Variants in TRPC6 observed in about 807,000 individuals in gnomAD.
TRPC6 encodes the protein short transient receptor potential channel 6.
Under a neutral mutation model 90.7 loss-of-function variants are expected in TRPC6, and 55 were observed. The ratio of observed to expected loss-of-function variants is 0.61; its 90% CI spans 0.49 to 0.76. The LOEUF is 0.76. Among genes scored for constraint, TRPC6 ranks in the 30% least tolerant of loss-of-function variants. The pLI, the probability that TRPC6 is intolerant of heterozygous loss-of-function variation, is 0.00. For missense variants in TRPC6, 989 were observed against 1,122.7 expected (o/e 0.88, Z 1.70); for synonymous variants, 393 against 393.0 (o/e 1.00, Z 0.00).
chr11:101,474,217 T>C (rs1859362167), intron 6 of TRPC6, among the ~76,000 whole-genome samples: 1 of 152,206 alleles, frequency 6.6e-6, no homozygotes, highest in East Asian at 1.9e-4. Flanking sequence ...ACTTAATAAA[T>C]GGTAGCGTTT....
chr11:101,515,854 G>A (rs1591103352), intron 1 of TRPC6, among the ~76,000 whole-genome samples: 1 of 152,158 alleles, frequency 6.6e-6, no homozygotes, highest in Non-Finnish European at 1.5e-5. Context: ...ATATAAACTT[G>A]TAGGTACACA....
chr11:101,547,751 A>G (rs1861342091), intron 1 of TRPC6, among the ~76,000 whole-genome samples: 1 of 152,190 alleles, frequency 6.6e-6, no homozygotes, highest in Non-Finnish European at 1.5e-5. Context: ...GCATACACTA[A>G]CAAATGGACA....
At chr11:101,581,258 CTG>C (rs1862191371) in intron 1 of TRPC6, among the ~76,000 whole-genome samples, 1 of 152,262 alleles carries the variant, frequency 6.6e-6, no homozygotes, top group African/African-American at 2.4e-5. Flanking sequence ...TCACTAAATA[CTG>C]CATGTTGAGG....
At chr11:101,510,945 C>G (rs1423447576) in intron 1 of TRPC6, among the ~76,000 whole-genome samples, 1 of 152,096 alleles carries the variant, frequency 6.6e-6, no homozygotes, top group African/African-American at 2.4e-5. Context: ...AAAATCCTTA[C>G]AAATATTTTA....
intron 1 of TRPC6, among the ~76,000 whole-genome samples, chr11:101,528,658 T>C (rs961251343): frequency 1.3e-5 from 2 of 152,152 alleles, no homozygotes; most frequent in African/African-American, 4.8e-5. Context: ...TCTGTGCAGA[T>C]GCAGGACCAT....
chr11:101,508,600 A>C (rs1860326496), intron 1 of TRPC6, among the ~76,000 whole-genome samples: 1 of 152,068 alleles, frequency 6.6e-6, no homozygotes, highest in Non-Finnish European at 1.5e-5. Flanking sequence ...TTCTGTATTT[A>C]TTGCTTTGCG....
At chr11:101,558,135 C>T (rs188373598) in intron 1 of TRPC6, among the ~76,000 whole-genome samples, 23 of 151,038 alleles carry the variant, frequency 1.5e-4, no homozygotes, top group Admixed American at 2.6e-4. Context: ...CAAAATCTAG[C>T]GCATAAGAGC....
chr11:101,564,202 GT>G (rs2136871332), intron 1 of TRPC6, among the ~76,000 whole-genome samples: 1 of 152,096 alleles, frequency 6.6e-6, no homozygotes, highest in Non-Finnish European at 1.5e-5. Context: ...TTAAAGCCAT[GT>G]TTTTTGCTAG....
At chr11:101,526,209 CATGATGCAG>C (rs1229400731) in intron 1 of TRPC6, among the ~76,000 whole-genome samples, 1 of 152,134 alleles carries the variant, frequency 6.6e-6, no homozygotes, top group East Asian at 1.9e-4. Context: ...CACTCATAGG[CATGATGCAG>C]ACCCCTCTAA....
At chr11:101,558,266 TGG>T (rs1565243267) in intron 1 of TRPC6, among the ~76,000 whole-genome samples, 34 of 92,622 alleles carry the variant, frequency 3.7e-4, no homozygotes, top group African/African-American at 6.6e-4. Flanking sequence ...TACATGTATA[TGG>T]GTATACATGT....
At chr11:101,575,522 A>G (rs1225050653) in intron 1 of TRPC6, among the ~76,000 whole-genome samples, 1 of 152,164 alleles carries the variant, frequency 6.6e-6, no homozygotes, top group African/African-American at 2.4e-5. Context: ...AAAAATGCAT[A>G]TCTCATAGGT....
chr11:101,556,082 C>G (rs1221347004), intron 1 of TRPC6, among the ~76,000 whole-genome samples: 1 of 151,994 alleles, frequency 6.6e-6, no homozygotes, highest in African/African-American at 2.4e-5. Flanking sequence ...GTTCTAAGAG[C>G]AAAGCTTATA....
At chr11:101,541,373 T>G (rs1861168706) in intron 1 of TRPC6, among the ~76,000 whole-genome samples, 1 of 152,184 alleles carries the variant, frequency 6.6e-6, no homozygotes, top group South Asian at 2.1e-4. Context: ...TTTTTTGTTT[T>G]TGTTTTGAGA....
chr11:101,459,633 T>A (rs1858959672), intron 10 of TRPC6, among the ~76,000 whole-genome samples: 1 of 152,210 alleles, frequency 6.6e-6, no homozygotes, highest in South Asian at 2.1e-4. Flanking sequence ...GAAAATAAAA[T>A]TATTTCATTT....
intron 5 of TRPC6, among the ~76,000 whole-genome samples, chr11:101,477,598 T>G (rs1859445781): frequency 6.6e-6 from 1 of 152,156 alleles, no homozygotes; most frequent in Non-Finnish European, 1.5e-5. Flanking sequence ...AACACTGGAT[T>G]TGAGATCAGG....
chr11:101,478,678 C>G (rs1859472538), intron 5 of TRPC6, among the ~76,000 whole-genome samples: 1 of 152,126 alleles, frequency 6.6e-6, no homozygotes, highest in Non-Finnish European at 1.5e-5. Context: ...TCCAAGCTTG[C>G]CCCAGGCAGG....
At chr11:101,500,482 C>A (rs6590867) in intron 2 of TRPC6, among the ~76,000 whole-genome samples, 71,033 of 151,496 alleles carry the variant, frequency 0.47, 17,097 homozygotes, top group African/African-American at 0.57. Context: ...TGCAGGGATT[C>A]CAGGTGTGAG....
chr11:101,498,123 C>G (rs1245527578), intron 2 of TRPC6, among the ~76,000 whole-genome samples: 6 of 152,114 alleles, frequency 3.9e-5, no homozygotes, highest in South Asian at 4.1e-4. Context: ...AATTAAAACT[C>G]AAGTCAAGGA....
At chr11:101,556,846 A>G (rs769569141) in intron 1 of TRPC6, among the ~76,000 whole-genome samples, 38 of 152,232 alleles carry the variant, frequency 2.5e-4, no homozygotes, top group Admixed American at 1.0e-3. Flanking sequence ...GCACATTAAA[A>G]AGATCATCCT....
Sources: allele counts gnomAD v4.1 joint callset (sites outside exome capture counted in the v4.1 genomes callset), GRCh38; gene constraint gnomAD v4.1.1; transcripts MANE v1.5; gene names NCBI Gene and HGNC (gene_info 2026-07-23, HGNC 2026-07-21).